NRG1: variants seen among roughly 807,000 people sequenced by gnomAD.
NRG1 encodes neuregulin 1.
A neutral mutation model predicts 63.8 loss-of-function variants in NRG1; 18 were observed. That is an observed-to-expected ratio of 0.28 (90% CI 0.19 to 0.42). The LOEUF (loss-of-function observed/expected upper bound fraction) is 0.42. Ranked by LOEUF, NRG1 falls within the 10% of genes least tolerant of loss-of-function variation. The probability of loss-of-function intolerance (pLI) is 1.00; values close to 1 mark genes in which losing one functional copy is unlikely to be tolerated. For missense variants in NRG1, 762 were observed against 814.7 expected (o/e 0.94, Z 0.79); for synonymous variants, 302 against 301.3 (o/e 1.00, Z -0.02).
chr8:31,836,001 C>T (rs900900141), intron 1 of NRG1, among the ~76,000 whole-genome samples: 1 of 152,134 alleles, frequency 6.6e-6, no homozygotes, highest in Non-Finnish European at 1.5e-5. Context: ...TAAATACCCA[C>T]ATGGCTGGTG....
At chr8:32,497,685 T>A (rs1827375760) in intron 1 of NRG1, among the ~76,000 whole-genome samples, 1 of 152,110 alleles carries the variant, frequency 6.6e-6, no homozygotes, top group Non-Finnish European at 1.5e-5. Flanking sequence ...ACGTGACTAG[T>A]CTAGGGCTGG....
chr8:31,800,837 CTTTTTTTTT>C (rs5890598), intron 1 of NRG1, among the ~76,000 whole-genome samples: 11 of 105,048 alleles, frequency 1.0e-4, no homozygotes, highest in African/African-American at 3.0e-4. Flanking sequence ...AGTCTCCTTT[CTTTTTTTTT>C]TTTTTTTTTT....
chr8:31,800,837 CTTTTTTT>C (rs5890598), intron 1 of NRG1, among the ~76,000 whole-genome samples: 3 of 105,040 alleles, frequency 2.9e-5, no homozygotes, highest in African/African-American at 7.5e-5. Context: ...AGTCTCCTTT[CTTTTTTT>C]TTTTTTTTTT....
chr8:31,687,171 A>G (rs913959253), intron 1 of NRG1, among the ~76,000 whole-genome samples: 3 of 152,294 alleles, frequency 2.0e-5, no homozygotes, highest in South Asian at 4.1e-4. Context: ...TGCATCGACT[A>G]TCTGGGGTAG....
At chr8:32,658,484 G>A (rs1214196601) in intron 5 of NRG1, among the ~76,000 whole-genome samples, 1 of 152,152 alleles carries the variant, frequency 6.6e-6, no homozygotes, top group African/African-American at 2.4e-5. Flanking sequence ...TTGTATTAGG[G>A]ATTCTAGCTC....
chr8:32,036,342 T>C (rs577647623), intron 1 of NRG1, among the ~76,000 whole-genome samples: 1 of 152,226 alleles, frequency 6.6e-6, no homozygotes, highest in Non-Finnish European at 1.5e-5. Context: ...CCTGGCCTTT[T>C]TCTCTGGCTA....
chr8:31,641,328 G>A (rs1374922986), intron 1 of NRG1, among the ~76,000 whole-genome samples: 1 of 143,130 alleles, frequency 7.0e-6, no homozygotes, highest in East Asian at 2.1e-4. Flanking sequence ...GTTGTTATTG[G>A]TGGGGGTTTT....
chr8:32,665,252 C>T (rs1803843472), intron 5 of NRG1, among the ~76,000 whole-genome samples: 1 of 152,038 alleles, frequency 6.6e-6, no homozygotes, highest in African/African-American at 2.4e-5. Flanking sequence ...CATAGTATAT[C>T]CATGGCATCC....
intron 1 of NRG1, among the ~76,000 whole-genome samples, chr8:32,309,998 C>T (rs1856636428): frequency 6.6e-6 from 1 of 152,204 alleles, no homozygotes; most frequent in African/African-American, 2.4e-5. Context: ...GCTCAATGAA[C>T]TTGATTCACT....
In NRG1 at chr8:32,089,823, T is replaced by C. The variant is rs185106313; in HGVS notation, c.37+450392T>C. Among the ~76,000 whole-genome samples the C allele has an allele frequency of 3.4e-3, 522 of 152,322 alleles. 4 individuals are homozygous for C. Among genetic ancestry groups the C allele is most frequent in the African/African-American group, 0.012 (490 of 41,586 alleles). On this transcript the variant is annotated intron_variant, in intron 1 of 10. Transcript: ENST00000519301. ...AAAAGAGAAAGAAAAAAAGAACATATCTATGACAGGAAGCTTCACAGATTT... is the reference window on the plus strand; with the variant it reads ...AAAAGAGAAAGAAAAAAAGAACATACCTATGACAGGAAGCTTCACAGATTT...
At chr8:31,902,065 T>G (rs1473197232) in intron 1 of NRG1, among the ~76,000 whole-genome samples, 1 of 152,148 alleles carries the variant, frequency 6.6e-6, no homozygotes, top group Non-Finnish European at 1.5e-5. Flanking sequence ...AGTTAGAGTG[T>G]GTGGTTTAAA....
At chr8:32,138,541 G>C (rs1835840046) in intron 1 of NRG1, among the ~76,000 whole-genome samples, 1 of 151,878 alleles carries the variant, frequency 6.6e-6, no homozygotes, top group Admixed American at 6.6e-5. Context: ...CTCCTAGGCT[G>C]TGACTGGCAG....
chr8:32,296,497 C>T lies in NRG1; in HGVS notation c.38-299331C>T, dbSNP rs1433010871. 2.0e-5 allele frequency among the ~76,000 whole-genome samples: 3 copies of T among 151,894 alleles called. No individual in the cohort carries two copies. In the East Asian group the frequency reaches 5.9e-4, roughly 30 times the overall value. On this transcript the variant is annotated intron_variant, in intron 1 of 10. Transcript: ENST00000519301. The stretch of plus-strand genomic sequence containing the variant: ...GGCATGGTGTCAGGTGCCTGTAATC[C>T]CAACTACTTGGGAGGCTGGCACAGG...
At chr8:32,449,450 T>A (rs1395750115) in intron 1 of NRG1, among the ~76,000 whole-genome samples, 2 of 151,804 alleles carry the variant, frequency 1.3e-5, no homozygotes, top group Non-Finnish European at 2.9e-5. Context: ...ACAAAAAAAC[T>A]TAACTCCAAA....
Position 31,999,330 on chromosome 8 carries a change from A to C in NRG1, c.37+359899A>C, listed in dbSNP as rs559866059. Among the ~76,000 whole-genome samples, 3 of 152,112 alleles carry C rather than the reference A, an allele frequency of 2.0e-5. No individual in the cohort carries two copies. The South Asian group carries it at 6.2e-4, about 32-fold the overall frequency. On this transcript the variant is annotated intron_variant, in intron 1 of 10. Coordinates refer to the NRG1 transcript ENST00000519301. The stretch of plus-strand genomic sequence containing the variant: ...TTCCTTCTCATTGTGTGCCCACATC[A>C]TACTTAGCTTAAATTATGTATCTAA...
intron 1 of NRG1, among the ~76,000 whole-genome samples, chr8:31,937,372 A>G (rs1376481826): frequency 6.6e-6 from 1 of 152,220 alleles, no homozygotes; most frequent in Non-Finnish European, 1.5e-5. Context: ...AAGATATTTT[A>G]GGTTTCAGAA....
intron 1 of NRG1, among the ~76,000 whole-genome samples, chr8:31,673,789 G>A (rs1187564811): frequency 6.6e-6 from 1 of 152,072 alleles, no homozygotes; most frequent in Non-Finnish European, 1.5e-5. Context: ...GATGGTCTAT[G>A]ACTTTCAAAT....
At chr8:32,492,266 C>T (rs1006161375) in intron 1 of NRG1, among the ~76,000 whole-genome samples, 2 of 152,122 alleles carry the variant, frequency 1.3e-5, no homozygotes, top group Admixed American at 6.6e-5. Flanking sequence ...GTCAATTATT[C>T]GGTCACAGCA....
At chr8:32,058,956 A>G (rs1253349514) in intron 1 of NRG1, among the ~76,000 whole-genome samples, 1 of 152,036 alleles carries the variant, frequency 6.6e-6, no homozygotes, top group Non-Finnish European at 1.5e-5. Flanking sequence ...TAAAAATACA[A>G]TCATCTTTGC....
Sources: gnomAD v4.1 joint callset for allele counts (sites outside exome capture counted in the v4.1 genomes callset) on GRCh38, gnomAD v4.1.1 for gene constraint, MANE v1.5 for transcripts, NCBI Gene and HGNC (gene_info 2026-07-23, HGNC 2026-07-21) for gene names.